The following ATP8A1 variants were observed in gnomAD, a reference collection of about 807,000 sequenced individuals.
ATP8A1 encodes ATPase phospholipid transporting 8A1.
ATP8A1 carries 90 observed loss-of-function variants against 177.7 expected under a neutral mutation model. That is an observed-to-expected ratio of 0.51 (90% CI 0.43 to 0.60). The LOEUF (loss-of-function observed/expected upper bound fraction) is 0.60. ATP8A1 is among the 20% of genes least tolerant of loss of function. The pLI, the probability that ATP8A1 is intolerant of heterozygous loss-of-function variation, is 0.00. For missense variants in ATP8A1, 1,072 were observed against 1,392.8 expected (o/e 0.77, Z 3.67); for synonymous variants, 493 against 485.9 (o/e 1.01, Z -0.19).
intron 14 of ATP8A1, among the ~76,000 whole-genome samples, chr4:42,573,649 C>A (rs1003392605): frequency 2.0e-5 from 3 of 152,130 alleles, no homozygotes; most frequent in African/African-American, 7.2e-5. Flanking sequence ...TCTCGTAACG[C>A]AAAGAACAAG....
chr4:42,630,373 T>C (rs927885547), intron 1 of ATP8A1, among the ~76,000 whole-genome samples: 1 of 152,186 alleles, frequency 6.6e-6, no homozygotes, highest in South Asian at 2.1e-4. Flanking sequence ...TACTAGTAGC[T>C]TTTAATCCAC....
chr4:42,652,901 C>CG (rs1213348770), intron 1 of ATP8A1, among the ~76,000 whole-genome samples: 1 of 145,606 alleles, frequency 6.9e-6, no homozygotes, highest in Non-Finnish European at 1.5e-5. Context: ...AGCCTAAGAG[C>CG]GGACTAACAC....
intron 19 of ATP8A1, among the ~76,000 whole-genome samples, chr4:42,548,635 C>A (rs1011309964): frequency 6.6e-6 from 1 of 152,244 alleles, no homozygotes; most frequent in South Asian, 2.1e-4. Context: ...TATCAAACAT[C>A]AGAATTTACT....
chr4:42,656,616 C>A (rs956281782), intron 1 of ATP8A1, among the ~76,000 whole-genome samples: 1 of 152,148 alleles, frequency 6.6e-6, no homozygotes, highest in African/African-American at 2.4e-5. Flanking sequence ...CCGCGGAGAA[C>A]ACCCATTCGA....
chr4:42,518,163 G>A (rs1192318594), intron 22 of ATP8A1, among the ~76,000 whole-genome samples: 1 of 152,174 alleles, frequency 6.6e-6, no homozygotes. Flanking sequence ...GGAACAAGAG[G>A]CAGAGAGCAG....
At chr4:42,604,675 G>GGTATACAAATTCTACT (rs2109412245) in intron 5 of ATP8A1, among the ~76,000 whole-genome samples, 1 of 152,286 alleles carries the variant, frequency 6.6e-6, no homozygotes, top group Admixed American at 6.5e-5. Flanking sequence ...CTACTACTAG[G>GGTATACAAATTCTACT]TGTATACCCA....
intron 30 of ATP8A1, among the ~76,000 whole-genome samples, chr4:42,448,006 CA>C (rs1432599516): frequency 6.6e-6 from 1 of 152,016 alleles, no homozygotes; most frequent in Non-Finnish European, 1.5e-5. Flanking sequence ...TTGAGGGTCT[CA>C]AAAAGTTTTT....
At chr4:42,552,666 A>G in intron 16 of ATP8A1, 56 bp from the exon 17 acceptor site, 1 of 1,225,174 alleles carries the variant, frequency 8.2e-7, no homozygotes, top group Non-Finnish European at 1.2e-6. Flanking sequence ...TTTGACACTG[A>G]CAGTAATATT....
intron 4 of ATP8A1, 73 bp from the exon 5 acceptor site, chr4:42,616,151 C>CA: frequency 1.6e-6 from 2 of 1,279,614 alleles, no homozygotes; most frequent in Middle Eastern, 2.1e-4. Context: ...GCACTCATAC[C>CA]AAAAAAGATT....
intron 1 of ATP8A1, among the ~76,000 whole-genome samples, chr4:42,635,790 T>TATATATATACACAC (rs1739257900): frequency 9.6e-6 from 1 of 103,718 alleles, no homozygotes; most frequent in Non-Finnish European, 1.9e-5. Context: ...CACATATATA[T>TATATATATACACAC]ATATATATAT....
chr4:42,509,726 C>A (rs1344796012), intron 22 of ATP8A1, among the ~76,000 whole-genome samples: 2 of 151,930 alleles, frequency 1.3e-5, no homozygotes, highest in East Asian at 1.9e-4. Flanking sequence ...GTGGCAGGCA[C>A]CTGTAGTCCC....
chr4:42,616,249 T>TA (rs1453980692), intron 4 of ATP8A1, among the ~76,000 whole-genome samples, 171 bp from the exon 5 acceptor site: 35 of 152,320 alleles, frequency 2.3e-4, no homozygotes, highest in Non-Finnish European at 2.8e-4. Context: ...TGGGAAGAAT[T>TA]AGAGCACACC....
At chr4:42,439,143 C>T (rs1157102821) in intron 33 of ATP8A1, among the ~76,000 whole-genome samples, 1 of 152,084 alleles carries the variant, frequency 6.6e-6, no homozygotes, top group East Asian at 1.9e-4. Context: ...ATAATTTGCA[C>T]CCCGAGATCC....
In ATP8A1 at chr4:42,455,883, C is replaced by A. The variant is rs58182837; in HGVS notation, c.2620-284G>T. Among the ~76,000 whole-genome samples the A allele has an allele frequency of 3.7e-3, 565 of 152,212 alleles. 4 individuals are homozygous for A. Among genetic ancestry groups the A allele is most frequent in the African/African-American group, 0.013 (537 of 41,554 alleles). On this transcript the variant is annotated intron_variant, in intron 27 of 36. Transcript: ENST00000381668. ...TGATAAATAATCTTGTTTTTCTTAA[C>A]GGTACTTTCAGAGAATATATTTATA...
chr4:42,610,611 C>T (rs1243251183), intron 5 of ATP8A1, among the ~76,000 whole-genome samples: 3 of 151,590 alleles, frequency 2.0e-5, no homozygotes, highest in South Asian at 4.2e-4. Context: ...GAAAGACAAC[C>T]TGGAGCTGTC....
chr4:42,535,428 T>C (rs1385527416), intron 20 of ATP8A1, among the ~76,000 whole-genome samples: 4 of 152,100 alleles, frequency 2.6e-5, no homozygotes, highest in Non-Finnish European at 4.4e-5. Flanking sequence ...CCTAAATATA[T>C]ATGCACTTAA....
chr4:42,575,013 A>C (rs1322838930), intron 13 of ATP8A1, among the ~76,000 whole-genome samples: 2 of 152,234 alleles, frequency 1.3e-5, no homozygotes, highest in Non-Finnish European at 2.9e-5. Context: ...CAGAGCACTG[A>C]AACAGCTATC....
At chr4:42,438,992 T>C (rs1716317155) in intron 33 of ATP8A1, among the ~76,000 whole-genome samples, 2 of 152,004 alleles carry the variant, frequency 1.3e-5, no homozygotes, top group Admixed American at 6.6e-5. Context: ...TTTCAACACA[T>C]TGAGAGAAAT....
At chr4:42,549,639 TA>T (rs1033990969) in intron 18 of ATP8A1, among the ~76,000 whole-genome samples, 20 of 151,296 alleles carry the variant, frequency 1.3e-4, no homozygotes, top group Admixed American at 7.9e-4. Context: ...AAAAATAAAT[TA>T]AAAAAAATAT....
Sources: allele counts gnomAD v4.1 joint callset (sites outside exome capture counted in the v4.1 genomes callset), GRCh38; gene constraint gnomAD v4.1.1; transcripts MANE v1.5; gene names NCBI Gene and HGNC (gene_info 2026-07-23, HGNC 2026-07-21).